Variants in ENPP3 observed in about 807,000 individuals in gnomAD.
ENPP3 encodes the protein ectonucleotide pyrophosphatase/phosphodiesterase 3, also known as ectonucleotide pyrophosphatase/phosphodiesterase family member 3.
Under a neutral mutation model 117.8 loss-of-function variants are expected in ENPP3, and 104 were observed. The observed-to-expected ratio is 0.88, with a 90% CI of 0.75 to 1.04. The LOEUF is 1.04. Among genes scored for constraint, ENPP3 ranks in the 50% least tolerant of loss-of-function variants. The pLI is 0.00. For missense variants in ENPP3, 1,026 were observed against 1,051.9 expected (o/e 0.98, Z 0.34); for synonymous variants, 380 against 349.9 (o/e 1.09, Z -0.96).
chr6:131,730,948 T>A (rs1367261767), intron 20 of ENPP3, among the ~76,000 whole-genome samples: 1 of 151,858 alleles, frequency 6.6e-6, no homozygotes, highest in East Asian at 1.9e-4. Flanking sequence ...CTTCCTGGGC[T>A]GATTCTCTAA....
intron 11 of ENPP3, among the ~76,000 whole-genome samples, chr6:131,682,173 A>C (rs749576772): frequency 6.6e-6 from 1 of 152,072 alleles, no homozygotes. Flanking sequence ...ATATAGAGTA[A>C]GTCTTCTTAA....
intron 21 of ENPP3, among the ~76,000 whole-genome samples, chr6:131,734,356 C>T (rs926453239): frequency 1.3e-5 from 2 of 152,114 alleles, no homozygotes; most frequent in African/African-American, 4.8e-5. Flanking sequence ...AAAACTCAAG[C>T]CACTTCCCTG....
intron 20 of ENPP3, among the ~76,000 whole-genome samples, chr6:131,732,833 G>A (rs865926538): frequency 1.3e-5 from 2 of 148,782 alleles, no homozygotes; most frequent in African/African-American, 2.5e-5. Context: ...CGGTTCAAGC[G>A]ATTCTCCTGC....
chr6:131,644,339 T>G (rs972827379), intron 2 of ENPP3, among the ~76,000 whole-genome samples: 1 of 152,134 alleles, frequency 6.6e-6, no homozygotes, highest in Non-Finnish European at 1.5e-5. Flanking sequence ...TATGAATAGA[T>G]AGTAGAGTGA....
At chr6:131,732,605 G>A (rs1343224983) in intron 20 of ENPP3, among the ~76,000 whole-genome samples, 1 of 151,116 alleles carries the variant, frequency 6.6e-6, no homozygotes, top group African/African-American at 2.4e-5. Context: ...TAGAGATGGG[G>A]TTTCACTATG....
chr6:131,706,748 T>A (rs2114488242), intron 15 of ENPP3, among the ~76,000 whole-genome samples: 1 of 151,564 alleles, frequency 6.6e-6, no homozygotes, highest in East Asian at 2.0e-4. Context: ...TGATTGACTT[T>A]TTGAGATTTA....
chr6:131,730,649 C>T (rs1780256610), intron 20 of ENPP3, among the ~76,000 whole-genome samples: 1 of 152,202 alleles, frequency 6.6e-6, no homozygotes, highest in South Asian at 2.1e-4. Flanking sequence ...AGCGCAGTGG[C>T]TCACGCCTGT....
At chr6:131,724,195 C>A in intron 19 of ENPP3, 104 bp downstream of exon 19, 83 of 573,282 alleles carry the variant, frequency 1.4e-4, no homozygotes, top group Middle Eastern at 3.1e-4. Context: ...GGTTCCTGAA[C>A]ATAAAGATTT....
intron 6 of ENPP3, among the ~76,000 whole-genome samples, chr6:131,665,698 T>TTATTC (rs1383871599): frequency 6.6e-6 from 1 of 152,126 alleles, no homozygotes; most frequent in Non-Finnish European, 1.5e-5. Context: ...TTTCATTGAT[T>TTATTC]TATTCTATTG....
intron 5 of ENPP3, among the ~76,000 whole-genome samples, chr6:131,657,089 G>A (rs1211749560): frequency 6.6e-6 from 1 of 152,070 alleles, no homozygotes; most frequent in African/African-American, 2.4e-5. Flanking sequence ...TTTCTCATGC[G>A]AATTGCAGTA....
intron 24 of ENPP3, among the ~76,000 whole-genome samples, chr6:131,742,412 T>A (rs969250033): frequency 3.3e-5 from 5 of 152,026 alleles, no homozygotes; most frequent in African/African-American, 1.2e-4. Flanking sequence ...AAGAAAAAAA[T>A]ATTTGCTATC....
intron 12 of ENPP3, among the ~76,000 whole-genome samples, chr6:131,684,651 T>C (rs1170397280): frequency 2.0e-5 from 3 of 150,528 alleles, no homozygotes; most frequent in Non-Finnish European, 4.4e-5. Context: ...ACCACTGCAC[T>C]ATAGCCTGGG....
chr6:131,697,058 T>A lies in ENPP3; in HGVS notation c.1412+3434T>A, dbSNP rs180925201. ...CCGGGATTACAGGCGTGAGCCACCG[T>A]GCCGGCCTGAGCACCTTTTTAAAGC... On this transcript the variant is annotated intron_variant, in intron 15 of 24. Coordinates refer to ENST00000357639, the MANE Select transcript of ENPP3 (RefSeq NM_005021.5). 5.5e-3 allele frequency among the ~76,000 whole-genome samples: 839 copies of A among 152,236 alleles called. 7 individuals carry two copies. Among genetic ancestry groups the A allele is most frequent in the African/African-American group, 0.017 (694 of 41,534 alleles).
intron 5 of ENPP3, 27 bp from the exon 6 acceptor site, chr6:131,658,296 T>C (rs761438745): frequency 6.2e-6 from 8 of 1,284,088 alleles, no homozygotes; most frequent in Admixed American, 1.7e-5. Context: ...TCCAAAACAA[T>C]GGACAAATTT....
chr6:131,670,413 A>C (rs943437553), intron 6 of ENPP3, among the ~76,000 whole-genome samples: 2 of 152,222 alleles, frequency 1.3e-5, no homozygotes, highest in Non-Finnish European at 2.9e-5. Context: ...ATAGGCCAAA[A>C]CTGGTTCACT....
chr6:131,714,233 G>T (rs1178030459), intron 15 of ENPP3, among the ~76,000 whole-genome samples: 1 of 144,338 alleles, frequency 6.9e-6, no homozygotes, highest in Non-Finnish European at 1.5e-5. Flanking sequence ...TTGTAAGTTG[G>T]TGACTCTCTG....
chr6:131,697,228 G>A (rs1779427641), intron 15 of ENPP3, among the ~76,000 whole-genome samples: 1 of 152,170 alleles, frequency 6.6e-6, no homozygotes, highest in Admixed American at 6.5e-5. Context: ...GACCTTGTCT[G>A]AAATGACTAA....
intron 3 of ENPP3, among the ~76,000 whole-genome samples, chr6:131,652,267 C>T (rs1055199135): frequency 1.3e-5 from 2 of 152,130 alleles, no homozygotes; most frequent in Non-Finnish European, 2.9e-5. Flanking sequence ...GCTCTTGGGT[C>T]GGAATAGGAG....
chr6:131,666,099 T>A (rs879811257), intron 6 of ENPP3, among the ~76,000 whole-genome samples: 15 of 152,290 alleles, frequency 9.8e-5, no homozygotes, highest in African/African-American at 3.6e-4. Context: ...TTTAAATATG[T>A]TAAGACTTGT....
Sources: gnomAD v4.1 joint callset for allele counts (sites outside exome capture counted in the v4.1 genomes callset) on GRCh38, gnomAD v4.1.1 for gene constraint, MANE v1.5 for transcripts, NCBI Gene and HGNC (gene_info 2026-07-23, HGNC 2026-07-21) for gene names.